The following ELFN2 variants were observed in gnomAD, a reference collection of about 807,000 sequenced individuals.
ELFN2 encodes the protein protein phosphatase 1 regulatory subunit 29.
Under a neutral mutation model 45.5 loss-of-function variants are expected in ELFN2, and 17 were observed. The ratio of observed to expected loss-of-function variants is 0.37; its 90% confidence interval spans 0.26 to 0.56. The LOEUF (loss-of-function observed/expected upper bound fraction) is 0.56. ELFN2 is among the 20% of genes least tolerant of loss of function. The pLI is 0.77. For missense variants in ELFN2, 922 were observed against 1,183.2 expected (o/e 0.78, Z 3.24); for synonymous variants, 550 against 551.5 (o/e 1.00, Z 0.04).
At chr22:37,404,382 C>T (rs945294951) in intron 2 of ELFN2, among the ~76,000 whole-genome samples, 3 of 151,926 alleles carry the variant, frequency 2.0e-5, no homozygotes, top group Non-Finnish European at 2.9e-5. Flanking sequence ...CGAAGAGAGT[C>T]GGGCAGGATG....
intron 2 of ELFN2, among the ~76,000 whole-genome samples, chr22:37,401,203 G>A (rs1249869756): frequency 6.6e-6 from 1 of 152,254 alleles, no homozygotes; most frequent in Non-Finnish European, 1.5e-5. Context: ...CAAAAAGCAG[G>A]TCAACTAGCA....
At chr22:37,356,077 G>A (rs973689863) in intron 1 of ELFN2, among the ~76,000 whole-genome samples, 19 of 152,200 alleles carry the variant, frequency 1.2e-4, no homozygotes, top group African/African-American at 4.1e-4. Context: ...GGGAGCAACC[G>A]GGGAGAGTGA....
chr22:37,374,762 G>A lies in ELFN2; in HGVS notation c.773C>T (p.Pro258Leu). 6.2e-7 allele frequency: 1 copy of A among 1,609,972 alleles called. No homozygotes were observed. Among genetic ancestry groups the A allele is most frequent in the Non-Finnish European group, 8.5e-7 (1 of 1,179,162 alleles). The change falls in exon 3 of 3, where the codon CCC becomes CTC. Residue 258 changes from proline to leucine, a missense_variant. Physicochemically the swap from Pro to Leu is moderately conservative, Grantham distance 98. Transcript: ENST00000402918. ...CTGGGCGTCGGTGGAGTAGGGCGTG[G>A]GGTGGCTCACGGGCCGGGCGGGCAG... ...GSLPARPVSH[P>L]TPYSTDAQRE... is the part of the protein sequence containing the mutation.
Position 37,370,357 on chromosome 22 carries a change from C to G in ELFN2, c.*2715G>C, listed in dbSNP as rs1185993988. On this transcript the variant is annotated 3_prime_UTR_variant, in exon 3 of 3. Coordinates refer to ENST00000402918, the MANE Select transcript of ELFN2 (RefSeq NM_052906.5). ...GTTCCTTTCTCAAAGCCCCCACCCT[C>G]TCCCTGAAGCCCCCCACGAAGCCCC... The G allele has an allele frequency of 6.6e-6, 1 of 152,234 alleles. No homozygotes were observed. The highest frequency in any genetic ancestry group is 1.5e-5 in the Non-Finnish European group (1 of 68,128). The allele number at this position is 152,234 out of a possible 1,614,324, so 9.4% of individuals were successfully genotyped here. A position where few individuals can be genotyped will look rare whatever the true frequency, so the allele number is the denominator to read the frequency against.
intron 1 of ELFN2, among the ~76,000 whole-genome samples, chr22:37,350,132 C>T (rs1054172606): frequency 6.6e-6 from 1 of 150,904 alleles, no homozygotes; most frequent in Non-Finnish European, 1.5e-5. Context: ...GAAGGGAACC[C>T]CACAGCTGGC....
intron 2 of ELFN2, among the ~76,000 whole-genome samples, chr22:37,387,621 A>G (rs943261510): frequency 6.6e-6 from 1 of 151,876 alleles, no homozygotes; most frequent in African/African-American, 2.4e-5. Context: ...AAATCTCCCC[A>G]CAGACCTAAG....
intron 2 of ELFN2, among the ~76,000 whole-genome samples, chr22:37,402,504 C>G (rs576883549): frequency 6.8e-4 from 103 of 152,200 alleles, no homozygotes; most frequent in Non-Finnish European, 1.2e-3. Flanking sequence ...GCCTTTCCAA[C>G]TGGTGATCTC....
At chr22:37,350,000 C>T (rs574005211) in intron 1 of ELFN2, among the ~76,000 whole-genome samples, 13 of 150,750 alleles carry the variant, frequency 8.6e-5, no homozygotes, top group Non-Finnish European at 1.3e-4. Flanking sequence ...AGGAGTGGTG[C>T]GCGCCCACAG....
intron 1 of ELFN2, among the ~76,000 whole-genome samples, chr22:37,344,408 C>T (rs1363600165): frequency 6.6e-6 from 1 of 152,012 alleles, no homozygotes; most frequent in East Asian, 1.9e-4. Context: ...CCATCCCAAA[C>T]CCCCAGCATC....
rs767456718 is a variant in ELFN2, at chr22:37,374,333, A to G, written c.1202T>C (p.Ile401Thr). 9.3e-6 allele frequency: 15 copies of G among 1,613,838 alleles called. No individual in the cohort carries two copies. Among genetic ancestry groups the G allele is most frequent in the Admixed American group, 6.7e-5 (4 of 60,006 alleles). ...TSTTTHYIMT[I>T]LGCLFGMVIV... ...AACCATGCCAAAGAGGCAGCCCAGG[A>G]TGGTCATGATGTAGTGGGTGGTGGT... The change falls in exon 3 of 3, where the codon ATC becomes ACC. Residue 401 changes from isoleucine (I) to threonine (T), a missense_variant. By Grantham distance (89) the Ile-to-Thr change is moderately conservative. Transcript: ENST00000402918.
chr22:37,425,088 G>A (rs1932838193), intron 1 of ELFN2, among the ~76,000 whole-genome samples: 1 of 152,174 alleles, frequency 6.6e-6, no homozygotes, highest in African/African-American at 2.4e-5. Flanking sequence ...AATGGGATTC[G>A]AACCAATGGC....
rs770420117 is a variant in ELFN2 at position 37,373,998 on chromosome 22, C to A, written c.1537G>T (p.Gly513Cys). The change falls in exon 3 of 3, where the codon GGT (glycine) becomes TGT (cysteine). Residue 513 changes from glycine (G) to cysteine (C), a missense_variant. Physicochemically the swap from Gly to Cys is radical, Grantham distance 159. Coordinates refer to ENST00000402918, the MANE Select transcript of ELFN2 (RefSeq NM_052906.5). The stretch of plus-strand genomic sequence containing the variant: ...AGGTCATCCTCGGGCCGAGCCAGAC[C>A]GTCCCCGCCGGCGCCTGTGCGCACC... The part of the protein sequence containing the change: ...IEVRTGAGGD[G>C]LARPEDDLPD... 1.2e-6 allele frequency: 2 copies of A among 1,613,048 alleles called. No homozygotes were observed. The highest frequency in any genetic ancestry group is 3.3e-5 in the Admixed American group (2 of 60,028).
chr22:37,418,237 A>G (rs1932781126), intron 1 of ELFN2, among the ~76,000 whole-genome samples: 1 of 151,864 alleles, frequency 6.6e-6, no homozygotes. Flanking sequence ...GAAGGCACTG[A>G]GATGGAGAGA....
At chr22:37,383,902 C>T (rs905901774) in intron 2 of ELFN2, among the ~76,000 whole-genome samples, 5 of 152,164 alleles carry the variant, frequency 3.3e-5, no homozygotes, top group African/African-American at 7.2e-5. Flanking sequence ...GGGGCTGGGC[C>T]GCTGAGCCGC....
intron 1 of ELFN2, among the ~76,000 whole-genome samples, chr22:37,360,243 T>C (rs938694844): frequency 1.3e-5 from 2 of 152,104 alleles, no homozygotes; most frequent in African/African-American, 4.8e-5. Flanking sequence ...CATTTATGGG[T>C]GTAGAGGCAG....
chr22:37,341,231 G>A (rs985267762), intron 2 of ELFN2, among the ~76,000 whole-genome samples: 2 of 152,144 alleles, frequency 1.3e-5, no homozygotes, highest in African/African-American at 4.8e-5. Flanking sequence ...GGCCTCTGAG[G>A]CTCGCATGGC....
At chr22:37,366,677 C>T (rs534043027), downstream of ELFN2, among the ~76,000 whole-genome samples, 2 of 152,206 alleles carry the variant, frequency 1.3e-5, no homozygotes, top group Non-Finnish European at 2.9e-5. Flanking sequence ...TACCTCTCTG[C>T]GCCTCCCACA....
At chr22:37,384,545 C>T (rs1324579529) in intron 2 of ELFN2, among the ~76,000 whole-genome samples, 1 of 136,548 alleles carries the variant, frequency 7.3e-6, no homozygotes, top group African/African-American at 2.8e-5. Context: ...TTTGACCCCA[C>T]CTCCCCACCC....
At chr22:37,386,713 G>A (rs755147210) in intron 2 of ELFN2, among the ~76,000 whole-genome samples, 24 of 152,176 alleles carry the variant, frequency 1.6e-4, no homozygotes, top group Non-Finnish European at 3.1e-4. Context: ...GGGGAGGGCC[G>A]CCGGCTGGGC....
Sources: allele counts gnomAD v4.1 joint callset (sites outside exome capture counted in the v4.1 genomes callset), GRCh38; gene constraint gnomAD v4.1.1; transcripts MANE v1.5; gene names NCBI Gene and HGNC (gene_info 2026-07-23, HGNC 2026-07-21).